KANK1: variants seen among roughly 807,000 people sequenced by gnomAD.
KANK1 encodes the protein KN motif and ankyrin repeat domains 1.
In KANK1, 109 loss-of-function variants were observed where a neutral mutation model predicts 106.2. The observed-to-expected ratio is 1.03, with a 90% confidence interval of 0.88 to 1.20. The LOEUF (loss-of-function observed/expected upper bound fraction) is 1.20. KANK1 is among the 50% of genes most tolerant of loss of function. The pLI is 0.00. For missense variants in KANK1, 2,399 were observed against 1,710.7 expected (o/e 1.40, Z -7.10); for synonymous variants, 873 against 652.2 (o/e 1.34, Z -5.16).
intron 1 of KANK1, chr9:673,926 A>T (rs1256070148): frequency 1.3e-5 from 2 of 152,056 alleles, no homozygotes; most frequent in Non-Finnish European, 2.9e-5. Context: ...TTAAAAGCAT[A>T]CTTAGTTGAA....
At chr9:501,037 T>G (rs1229619141), upstream of KANK1, among the ~76,000 whole-genome samples, 1 of 152,000 alleles carries the variant, frequency 6.6e-6, no homozygotes, top group African/African-American at 2.4e-5. Flanking sequence ...TCTGATTCAC[T>G]GAGTCTTCAG....
chr9:732,623 G>C lies in KANK1; in HGVS notation c.3245+6G>C. ...AAGGTGGAAATCAGAGAGAGGTGTG[G>C]TACATTCCCCTTCCCTCCCTTGCCC... is the stretch of plus-strand genomic sequence containing the variant. On this transcript the variant is annotated splice_donor_region_variant and intron_variant, in intron 6 of 11. Coordinates refer to ENST00000382297, the MANE Select transcript of KANK1 (RefSeq NM_015158.5). The C allele has an allele frequency of 6.2e-7, 1 of 1,611,498 alleles. No homozygotes were observed. The highest frequency in any genetic ancestry group is 2.2e-5 in the East Asian group (1 of 44,840).
chr9:678,388 C>A (rs888293796), intron 2 of KANK1, among the ~76,000 whole-genome samples: 1 of 152,012 alleles, frequency 6.6e-6, no homozygotes, highest in Non-Finnish European at 1.5e-5. Flanking sequence ...CATCATCATC[C>A]CTATGTAATG....
intron 3 of KANK1, 88 bp from the exon 4 acceptor site, chr9:729,963 A>T: frequency 8.7e-7 from 1 of 1,151,640 alleles, no homozygotes; most frequent in Non-Finnish European, 1.2e-6. Context: ...GTCCCATTTT[A>T]AATTATGAGT....
intron 6 of KANK1, chr9:733,069 G>C: frequency 6.5e-6 from 1 of 154,318 alleles, no homozygotes; most frequent in Non-Finnish European, 1.4e-5. Flanking sequence ...TAAAGATGAT[G>C]CATATCACTT....
chr9:727,191 TTC>T (rs1334632424), intron 3 of KANK1, among the ~76,000 whole-genome samples: 1 of 152,202 alleles, frequency 6.6e-6, no homozygotes, highest in Non-Finnish European at 1.5e-5. Flanking sequence ...AACAATAGCC[TTC>T]TGTGTCTTTT....
intron 1 of KANK1, among the ~76,000 whole-genome samples, chr9:506,100 C>T (rs1251029314): frequency 6.6e-6 from 1 of 152,164 alleles, no homozygotes; most frequent in Non-Finnish European, 1.5e-5. Context: ...ATGAAATCAT[C>T]ACTACCATCT....
At chr9:645,345 C>T (rs116965210) in intron 1 of KANK1, among the ~76,000 whole-genome samples, 1,784 of 143,014 alleles carry the variant, frequency 0.012, 24 homozygotes, top group South Asian at 0.026. Context: ...AAGTCTGAGG[C>T]AGGAGAATTG....
chr9:645,797 C>G (rs1319035135), intron 1 of KANK1, among the ~76,000 whole-genome samples: 1 of 150,694 alleles, frequency 6.6e-6, no homozygotes, highest in East Asian at 1.9e-4. Flanking sequence ...CGTGCCACTG[C>G]ACTTCAGCTT....
At chr9:728,184 TTTTTGTTTTGTTTC>T (rs1831247455) in intron 3 of KANK1, among the ~76,000 whole-genome samples, 1 of 152,152 alleles carries the variant, frequency 6.6e-6, no homozygotes, top group Non-Finnish European at 1.5e-5. Context: ...ATTTTGTCTT[TTTTTGTTTTGTTTC>T]TTTTGTTTTC....
intron 10 of KANK1, among the ~76,000 whole-genome samples, chr9:743,389 T>C (rs1193902742): frequency 6.6e-6 from 1 of 152,210 alleles, no homozygotes; most frequent in Non-Finnish European, 1.5e-5. Flanking sequence ...CTTCTTCCCC[T>C]CTGTGGGAGG....
intron 1 of KANK1, among the ~76,000 whole-genome samples, chr9:509,214 C>T (rs951326103): frequency 2.0e-5 from 3 of 152,188 alleles, no homozygotes; most frequent in African/African-American, 7.2e-5. Context: ...TCTCCTGCCT[C>T]AGCCTCCCGA....
chr9:557,189 A>G (rs1446775745), intron 1 of KANK1, among the ~76,000 whole-genome samples: 2 of 45,480 alleles, frequency 4.4e-5, no homozygotes, highest in South Asian at 1.3e-3. Flanking sequence ...TCTCAAAAGG[A>G]AAAAAAAAAA....
At chr9:723,242 G>C (rs971783401) in intron 3 of KANK1, among the ~76,000 whole-genome samples, 1 of 152,174 alleles carries the variant, frequency 6.6e-6, no homozygotes, top group African/African-American at 2.4e-5. Flanking sequence ...GCCTGCAGGA[G>C]GAGGTGGACC....
chr9:487,935 A>G (rs940673797), intron 3 of KANK1: 1 of 152,138 alleles, frequency 6.6e-6, no homozygotes, highest in Non-Finnish European at 1.5e-5. Context: ...TTCTTGTAGA[A>G]TTTCTGCTTC....
At chr9:629,428 AT>A (rs1166898472) in intron 1 of KANK1, among the ~76,000 whole-genome samples, 9 of 152,160 alleles carry the variant, frequency 5.9e-5, no homozygotes. Flanking sequence ...ATGTTAATAA[AT>A]ATTTCTACGT....
In KANK1 at chr9:703,004, T is replaced by C. The variant is rs10975920; in HGVS notation, c.38-7800T>C. On this transcript the variant is annotated intron_variant, in intron 2 of 11. Transcript: ENST00000382297. ...GGGGCGGGGTTGTTGTTTTTTGGGG[T>C]TTTTTCAGACGGAGTCTCTCTCTGT... Among the ~76,000 whole-genome samples the C allele has an allele frequency of 8.4e-4, 127 of 151,914 alleles. 1 individual carries two copies. Among genetic ancestry groups the C allele is most frequent in the African/African-American group, 2.9e-3 (122 of 41,420 alleles).
At chr9:574,417 G>C (rs563994578) in intron 1 of KANK1, among the ~76,000 whole-genome samples, 111 of 136,338 alleles carry the variant, frequency 8.1e-4, no homozygotes, top group African/African-American at 4.0e-3. Context: ...TTGAAGTATG[G>C]GGTGCTCTGG....
upstream of KANK1, among the ~76,000 whole-genome samples, chr9:500,428 T>G (rs1364434418): frequency 6.6e-6 from 1 of 152,232 alleles, no homozygotes; most frequent in Non-Finnish European, 1.5e-5. Flanking sequence ...CATTAACAAG[T>G]GCTTCAGTTG....
Sources: gnomAD v4.1 joint callset for allele counts (sites outside exome capture counted in the v4.1 genomes callset) on GRCh38, gnomAD v4.1.1 for gene constraint, MANE v1.5 for transcripts, NCBI Gene and HGNC (gene_info 2026-07-23, HGNC 2026-07-21) for gene names.